The following ZNF385D variants were observed in gnomAD, a reference collection of about 807,000 sequenced individuals.
ZNF385D encodes the protein zinc finger protein 659.
A neutral mutation model predicts 35.8 loss-of-function variants in ZNF385D; 15 were observed. That is an observed-to-expected ratio of 0.42 (90% confidence interval 0.28 to 0.64). ZNF385D has a LOEUF of 0.64. Among genes scored for constraint, ZNF385D ranks in the 30% least tolerant of loss-of-function variants. The pLI, the probability that ZNF385D is intolerant of heterozygous loss-of-function variation, is 0.23. For missense variants in ZNF385D, 474 were observed against 494.6 expected, an observed-to-expected ratio of 0.96 and a Z score of 0.39; for synonymous variants, 212 against 186.8, an observed-to-expected ratio of 1.13 and a Z score of -1.10.
intron 3 of ZNF385D, among the ~76,000 whole-genome samples, chr3:21,815,794 A>T (rs912792180): frequency 1.3e-5 from 2 of 152,142 alleles, no homozygotes; most frequent in African/African-American, 4.8e-5. Flanking sequence ...TATTCCAATC[A>T]ATAGAAAAAG....
At chr3:21,807,425 G>A (rs1229253060) in intron 3 of ZNF385D, among the ~76,000 whole-genome samples, 4 of 152,096 alleles carry the variant, frequency 2.6e-5, no homozygotes, top group African/African-American at 9.7e-5. Context: ...AATCATTTAT[G>A]GGTATTCTAG....
At chr3:22,221,409 C>A (rs964585289) in intron 2 of ZNF385D, among the ~76,000 whole-genome samples, 2 of 152,012 alleles carry the variant, frequency 1.3e-5, no homozygotes, top group African/African-American at 4.8e-5. Context: ...TATTTTGAAG[C>A]AAATCCCAGA....
chr3:22,099,696 A>T (rs1291447806), intron 3 of ZNF385D, among the ~76,000 whole-genome samples: 3 of 152,030 alleles, frequency 2.0e-5, no homozygotes, highest in Non-Finnish European at 4.4e-5. Flanking sequence ...CAGACCCTGA[A>T]GCATGGCGGG....
At chr3:22,107,041 T>TTTTTTTTTTTTTTTTTTTTTTTTTTC (rs1702258112) in intron 3 of ZNF385D, among the ~76,000 whole-genome samples, 2 of 150,278 alleles carry the variant, frequency 1.3e-5, no homozygotes, top group Non-Finnish European at 3.0e-5. Context: ...TTTTTTTTTT[T>TTTTTTTTTTTTTTTTTTTTTTTTTTC]TAGACAGAGT....
chr3:21,700,533 C>T (rs12632528), intron 1 of ZNF385D, among the ~76,000 whole-genome samples: 20,225 of 152,056 alleles, frequency 0.13, 1,593 homozygotes, highest in African/African-American at 0.2. Context: ...TTAGGGATTA[C>T]AGAAAATCAG....
chr3:21,866,986 A>C (rs180794743), intron 3 of ZNF385D, among the ~76,000 whole-genome samples: 1 of 152,116 alleles, frequency 6.6e-6, no homozygotes, highest in Admixed American at 6.5e-5. Context: ...TTTGTGCTAC[A>C]TAACAGAACA....
chr3:21,459,514 A>T (rs1703035178), intron 4 of ZNF385D: 1 of 152,114 alleles, frequency 6.6e-6, no homozygotes, highest in Admixed American at 6.6e-5. Context: ...TGCAAAAAAA[A>T]ATTTAAATAA....
chr3:21,752,076 G>C (rs936236793), upstream of ZNF385D, among the ~76,000 whole-genome samples: 1 of 126,948 alleles, frequency 7.9e-6, no homozygotes, highest in Non-Finnish European at 1.5e-5. Context: ...GGTCAAGAAA[G>C]GCAAAGCTTA....
chr3:22,140,495 A>G (rs1419950402), intron 3 of ZNF385D, among the ~76,000 whole-genome samples: 1 of 152,174 alleles, frequency 6.6e-6, no homozygotes, highest in Non-Finnish European at 1.5e-5. Context: ...ATGAAAATGT[A>G]TCTATGTGAT....
At chr3:21,993,484 C>T (rs1026053246) in intron 3 of ZNF385D, among the ~76,000 whole-genome samples, 1 of 152,094 alleles carries the variant, frequency 6.6e-6, no homozygotes, top group African/African-American at 2.4e-5. Flanking sequence ...CTCATAAGCA[C>T]ATTTAACTAT....
chr3:21,995,293 T>C (rs1559831083), intron 3 of ZNF385D, among the ~76,000 whole-genome samples: 1 of 152,158 alleles, frequency 6.6e-6, no homozygotes. Context: ...AAAGGCCATG[T>C]GGGTCAATTC....
intron 3 of ZNF385D, among the ~76,000 whole-genome samples, chr3:21,906,281 A>T (rs1699679689): frequency 6.6e-6 from 1 of 152,192 alleles, no homozygotes; most frequent in Non-Finnish European, 1.5e-5. Flanking sequence ...TTCCTTTATG[A>T]GTAGCCATGT....
chr3:22,177,353 T>C (rs1311962998), intron 2 of ZNF385D, among the ~76,000 whole-genome samples: 1 of 152,174 alleles, frequency 6.6e-6, no homozygotes, highest in African/African-American at 2.4e-5. Flanking sequence ...TCTGAAGACC[T>C]GAGTTAGAGA....
chr3:22,022,720 A>C (rs1453098173), intron 3 of ZNF385D, among the ~76,000 whole-genome samples: 1 of 152,178 alleles, frequency 6.6e-6, no homozygotes, highest in East Asian at 1.9e-4. Context: ...AAGAACGAAC[A>C]AGGAATAGAG....
chr3:22,094,450 C>T (rs1349128704), intron 3 of ZNF385D, among the ~76,000 whole-genome samples: 2 of 100,910 alleles, frequency 2.0e-5, no homozygotes, highest in Non-Finnish European at 4.7e-5. Flanking sequence ...GAAAAAGACA[C>T]ACAGACAGAC....
intron 4 of ZNF385D, among the ~76,000 whole-genome samples, chr3:21,507,321 AT>A (rs531169949): frequency 6.6e-6 from 1 of 152,004 alleles, no homozygotes; most frequent in Admixed American, 6.6e-5. Context: ...CATGTTTAAC[AT>A]TTTTCAAAGG....
intron 4 of ZNF385D, among the ~76,000 whole-genome samples, chr3:21,451,150 G>A (rs886147530): frequency 3.3e-5 from 5 of 151,932 alleles, no homozygotes; most frequent in African/African-American, 1.2e-4. Flanking sequence ...AGTCCAGATG[G>A]ATCAATATGA....
intron 3 of ZNF385D, among the ~76,000 whole-genome samples, chr3:22,085,233 G>C (rs1264479127): frequency 2.0e-5 from 3 of 152,068 alleles, no homozygotes; most frequent in African/African-American, 7.2e-5. Context: ...TAAGATCAGA[G>C]CAGAACTGAA....
At chr3:21,481,498 C>T (rs534158900) in intron 4 of ZNF385D, among the ~76,000 whole-genome samples, 7 of 152,272 alleles carry the variant, frequency 4.6e-5, no homozygotes, top group African/African-American at 1.7e-4. Context: ...GAATTCATCG[C>T]CTCATGAGAT....
Sources: gnomAD v4.1 joint callset for allele counts (sites outside exome capture counted in the v4.1 genomes callset) on GRCh38, gnomAD v4.1.1 for gene constraint, MANE v1.5 for transcripts, NCBI Gene and HGNC (gene_info 2026-07-23, HGNC 2026-07-21) for gene names.